Variants in ZFHX3 observed in about 807,000 individuals in gnomAD.
ZFHX3 encodes the protein zinc finger homeobox protein 3.
A neutral mutation model predicts 279.1 loss-of-function variants in ZFHX3; 42 were observed. The observed-to-expected ratio is 0.15, with a 90% CI of 0.12 to 0.19. The LOEUF (loss-of-function observed/expected upper bound fraction) is 0.19. ZFHX3 is among the 10% of genes least tolerant of loss of function. ZFHX3 has a pLI of 1.00. For synonymous variants in ZFHX3, 2,293 were observed against 1,957.8 expected (o/e 1.17, Z -4.52); for missense variants, 4,981 against 4,754.0 (o/e 1.05, Z -1.40).
At chr16:73,832,533 T>C (rs1961025966) in intron 1 of ZFHX3, among the ~76,000 whole-genome samples, 1 of 152,110 alleles carries the variant, frequency 6.6e-6, no homozygotes, top group Admixed American at 6.5e-5. Flanking sequence ...GATAGGCCCT[T>C]TTTAAGTTTT....
intron 5 of ZFHX3, among the ~76,000 whole-genome samples, chr16:73,174,404 A>C (rs1226532580): frequency 6.6e-6 from 1 of 152,166 alleles, no homozygotes; most frequent in Non-Finnish European, 1.5e-5. Flanking sequence ...CAGATACCTG[A>C]AACTCTTCCA....
chr16:73,541,638 C>T (rs1398077594), intron 2 of ZFHX3, among the ~76,000 whole-genome samples: 1 of 152,062 alleles, frequency 6.6e-6, no homozygotes, highest in Non-Finnish European at 1.5e-5. Context: ...GAGACGGATG[C>T]CTGGTCCTGC....
intron 4 of ZFHX3, among the ~76,000 whole-genome samples, chr16:72,882,357 G>A (rs888672523): frequency 2.6e-5 from 4 of 152,066 alleles, no homozygotes; most frequent in African/African-American, 9.7e-5. Flanking sequence ...GTGTACAGCT[G>A]GTGCCACGTG....
At chr16:73,475,830 T>C (rs993050691) in intron 2 of ZFHX3, among the ~76,000 whole-genome samples, 1 of 152,162 alleles carries the variant, frequency 6.6e-6, no homozygotes, top group African/African-American at 2.4e-5. Flanking sequence ...ACTGTCTTTT[T>C]ACCTCCCAAG....
rs140219846 is a variant in ZFHX3, at chr16:73,120,649, C to CTT, written c.-897+10318_-897+10319insAA. Among the ~76,000 whole-genome samples the CTT allele has an allele frequency of 7.2e-3, 761 of 106,078 alleles. 44 individuals are homozygous for CTT. The highest frequency in any genetic ancestry group is 0.014 in the African/African-American group (398 of 28,642). The allele number at this position is 106,078 out of a possible 152,430, so 69.6% of individuals were successfully genotyped here. On this transcript the variant is annotated intron_variant, in intron 7 of 17. Transcript: ENST00000641206. ...TTGTTTTTCTGCCCTATCCTCTCTA[C>CTT]CTTTTTTTTTTTTTTTTTTTTTTGA...
At chr16:73,495,445 C>A (rs1455690392) in intron 2 of ZFHX3, among the ~76,000 whole-genome samples, 2 of 152,160 alleles carry the variant, frequency 1.3e-5, no homozygotes, top group Non-Finnish European at 2.9e-5. Flanking sequence ...GACAAAAATG[C>A]TTTGGCTAAA....
chr16:73,682,624 A>G (rs939310115), intron 1 of ZFHX3, among the ~76,000 whole-genome samples: 6 of 151,752 alleles, frequency 4.0e-5, no homozygotes, highest in Non-Finnish European at 5.9e-5. Flanking sequence ...CGTCTCTACT[A>G]AAAATACAAA....
In ZFHX3 at chr16:73,121,237, G is replaced by GT. The variant is rs1352119913; in HGVS notation, c.-897+9730dup. Among the ~76,000 whole-genome samples, 5 of 152,274 alleles carry GT rather than the reference G, an allele frequency of 3.3e-5. No homozygotes were observed. The East Asian group carries it at 5.8e-4, about 18-fold the overall frequency. ...TTTGGCATACAAATTGAGATGTACT[G>GT]TAAGTATAAAATATGCACTGGCTTT... is the stretch of plus-strand genomic sequence containing the variant. On this transcript the variant is annotated intron_variant, in intron 7 of 17. Coordinates refer to the ZFHX3 transcript ENST00000641206.
chr16:73,110,711 G>T (rs1481089659), intron 7 of ZFHX3, among the ~76,000 whole-genome samples: 2 of 151,952 alleles, frequency 1.3e-5, no homozygotes, highest in African/African-American at 4.8e-5. Context: ...CTACAGGTGC[G>T]TATCAACACA....
rs1597352974 is a variant in ZFHX3 at position 73,482,792 on chromosome 16, G to T, written c.-1546-26534C>A. Reference sequence around the variant, plus strand: ...TTCCTTTGCAATAACCATTAGCTCAGTATTATTTGCAAACCTCTAATGTGA... The same window carrying T: ...TTCCTTTGCAATAACCATTAGCTCATTATTATTTGCAAACCTCTAATGTGA... On this transcript the variant is annotated intron_variant, in intron 2 of 17. Transcript: ENST00000641206. Among the ~76,000 whole-genome samples the T allele has an allele frequency of 3.9e-5, 6 of 152,256 alleles. No individual in the cohort carries two copies. In the East Asian group the frequency reaches 1.2e-3, roughly 29 times the overall value.
chr16:73,329,403 T>C (rs970316318), intron 3 of ZFHX3, among the ~76,000 whole-genome samples: 4 of 152,274 alleles, frequency 2.6e-5, no homozygotes, highest in Non-Finnish European at 4.4e-5. Context: ...AGTTGTTTCT[T>C]AGCGTCTTGT....
rs187254500 is a variant in ZFHX3, at chr16:72,999,757, T to C, written c.-49-39563A>G. Among the ~76,000 whole-genome samples the C allele has an allele frequency of 1.9e-4, 29 of 152,236 alleles. No homozygotes were observed. In the East Asian group the frequency reaches 4.8e-3, roughly 25 times the overall value. Reference sequence around the variant, plus strand: ...CTGAGCCCACGAGACCACACACACTTTGGCAGCAACTCTTGAATCAGTCAA... The same window carrying C: ...CTGAGCCCACGAGACCACACACACTCTGGCAGCAACTCTTGAATCAGTCAA... On this transcript the variant is annotated intron_variant, in intron 1 of 9. Coordinates refer to ENST00000268489, the MANE Select transcript of ZFHX3 (RefSeq NM_006885.4).
intron 1 of ZFHX3, among the ~76,000 whole-genome samples, chr16:73,862,862 C>A (rs1961918722): frequency 6.6e-6 from 1 of 152,166 alleles, no homozygotes; most frequent in Admixed American, 6.5e-5. Context: ...CATCATACAA[C>A]TTTAGAGTAA....
chr16:72,988,620 C>G (rs986842879), intron 1 of ZFHX3, among the ~76,000 whole-genome samples: 7 of 152,144 alleles, frequency 4.6e-5, no homozygotes, highest in African/African-American at 1.7e-4. Context: ...TAACTGGGTC[C>G]CTGCAACAGG....
At position 73,707,086 on chromosome 16, in the gene ZFHX3, T is replaced by C. The variant is rs565754633; in HGVS notation, c.-1607-26846A>G. The stretch of plus-strand genomic sequence containing the variant: ...CTTTATTACATAACTCACTATGTCT[T>C]GAATTCATCAAAGATTTTTAAATAT... On this transcript the variant is annotated intron_variant, in intron 1 of 17. Coordinates refer to the ZFHX3 transcript ENST00000641206. Among the ~76,000 whole-genome samples, 4 of 152,344 alleles carry C rather than the reference T, an allele frequency of 2.6e-5. No individual in the cohort carries two copies. In the South Asian group the frequency reaches 8.3e-4, roughly 32 times the overall value.
At chr16:73,341,111 G>A (rs2016024612) in intron 3 of ZFHX3, among the ~76,000 whole-genome samples, 1 of 152,130 alleles carries the variant, frequency 6.6e-6, no homozygotes. Context: ...GGGAGGCCGA[G>A]GTGGGTGGAT....
chr16:72,976,933 T>A (rs1286443475), intron 1 of ZFHX3, among the ~76,000 whole-genome samples: 2 of 152,186 alleles, frequency 1.3e-5, no homozygotes, highest in African/African-American at 4.8e-5. Flanking sequence ...TCAGTCCACA[T>A]GGGAGTCACC....
At position 73,593,598 on chromosome 16, in the gene ZFHX3, G is replaced by A. The variant is rs139591785; in HGVS notation, c.-1547+86582C>T. Among the ~76,000 whole-genome samples the A allele has an allele frequency of 4.7e-5, 7 of 149,042 alleles. No individual in the cohort carries two copies. In the East Asian group the frequency reaches 6.2e-4, roughly 13 times the overall value. ...AAAGAAGGAGGGAGGGAGGGAGGGAGGGAAGGAAGGAAGGAAGGAAGGGAA... is the reference window on the plus strand; with the variant it reads ...AAAGAAGGAGGGAGGGAGGGAGGGAAGGAAGGAAGGAAGGAAGGAAGGGAA... On this transcript the variant is annotated intron_variant, in intron 2 of 17. Transcript: ENST00000641206.
At chr16:73,090,263 T>C (rs534424947) in intron 8 of ZFHX3, among the ~76,000 whole-genome samples, 16 of 152,156 alleles carry the variant, frequency 1.1e-4, no homozygotes, top group Admixed American at 5.2e-4. Context: ...CATGGTGGCA[T>C]GCGCCCATGG....
Sources: gnomAD v4.1 joint callset for allele counts (sites outside exome capture counted in the v4.1 genomes callset) on GRCh38, gnomAD v4.1.1 for gene constraint, MANE v1.5 for transcripts, NCBI Gene and HGNC (gene_info 2026-07-23, HGNC 2026-07-21) for gene names.